Variants in ST18 observed in about 807,000 individuals in gnomAD.
ST18 encodes the protein ST18 C2H2C-type zinc finger transcription factor.
ST18 carries 50 observed loss-of-function variants against 110.0 expected under a neutral mutation model. That is an observed-to-expected ratio of 0.45 (90% CI 0.36 to 0.58). The LOEUF (loss-of-function observed/expected upper bound fraction) is 0.58, where lower values mean the gene tolerates loss of function less well. ST18 is among the 20% of genes least tolerant of loss of function. The pLI is 0.00. For missense variants in ST18, 1,306 were observed against 1,280.1 expected (o/e 1.02, Z -0.31); for synonymous variants, 461 against 452.4 (o/e 1.02, Z -0.24).
intron 2 of ST18, among the ~76,000 whole-genome samples, chr8:52,339,705 GC>G (rs1813958820): frequency 6.6e-6 from 1 of 152,234 alleles, no homozygotes; most frequent in African/African-American, 2.4e-5. Flanking sequence ...CTTGGGGCCA[GC>G]CCAAGGCCAC....
At chr8:52,186,060 C>T (rs2072040292) in intron 8 of ST18, among the ~76,000 whole-genome samples, 4 of 152,128 alleles carry the variant, frequency 2.6e-5, no homozygotes, top group Admixed American at 2.0e-4. Context: ...GAGCCATGAG[C>T]CCCGCTTCTT....
At chr8:52,283,673 C>G (rs1008544707) in intron 2 of ST18, among the ~76,000 whole-genome samples, 1 of 152,176 alleles carries the variant, frequency 6.6e-6, no homozygotes, top group Non-Finnish European at 1.5e-5. Context: ...GTTAAAGACA[C>G]TGTTGGCTTT....
At chr8:52,303,045 C>G (rs2095754661) in intron 2 of ST18, among the ~76,000 whole-genome samples, 1 of 152,140 alleles carries the variant, frequency 6.6e-6, no homozygotes, top group Admixed American at 6.5e-5. Context: ...AAAAGAGTAA[C>G]GTTATTGTAG....
intron 14 of ST18, 40 bp downstream of exon 14, chr8:52,161,335 G>C: frequency 6.3e-7 from 1 of 1,595,374 alleles, no homozygotes; most frequent in Non-Finnish European, 8.5e-7. Flanking sequence ...CCATACACAA[G>C]AAGCATTTTG....
intron 2 of ST18, among the ~76,000 whole-genome samples, chr8:52,253,646 T>G (rs1052425471): frequency 2.0e-5 from 3 of 152,128 alleles, no homozygotes; most frequent in Non-Finnish European, 4.4e-5. Flanking sequence ...TTAATATTGG[T>G]TATTCATATA....
chr8:52,152,102 G>A (rs996143550), intron 15 of ST18, among the ~76,000 whole-genome samples: 3 of 152,280 alleles, frequency 2.0e-5, no homozygotes, highest in African/African-American at 7.2e-5. Flanking sequence ...TGCATCCTGC[G>A]CCCAGCCTGC....
intron 25 of ST18, among the ~76,000 whole-genome samples, chr8:52,116,026 T>TA (rs1407317829): frequency 3.3e-5 from 5 of 152,222 alleles, no homozygotes; most frequent in African/African-American, 1.2e-4. Context: ...AACCGAGCTT[T>TA]AAAAAATCCT....
chr8:52,357,682 T>A (rs1406900250), intron 2 of ST18, among the ~76,000 whole-genome samples: 8 of 22,884 alleles, frequency 3.5e-4, no homozygotes, highest in Non-Finnish European at 4.8e-4. Context: ...TATAAATATA[T>A]ATATATATAT....
intron 9 of ST18, among the ~76,000 whole-genome samples, chr8:52,179,263 T>C (rs1376825787): frequency 6.6e-6 from 1 of 152,186 alleles, no homozygotes; most frequent in African/African-American, 2.4e-5. Context: ...TAGAGGCATG[T>C]GACTACCAGG....
At chr8:52,333,758 T>A (rs1349991307) in intron 2 of ST18, among the ~76,000 whole-genome samples, 1 of 152,264 alleles carries the variant, frequency 6.6e-6, no homozygotes, top group Non-Finnish European at 1.5e-5. Context: ...AATATGTGAA[T>A]CTTTCAGTCC....
In ST18 at chr8:52,396,893, T is replaced by C. The variant is rs1841338758; in HGVS notation, c.-465+12435A>G. Among the ~76,000 whole-genome samples, 5 of 152,218 alleles carry C rather than the reference T, an allele frequency of 3.3e-5. No individual in the cohort carries two copies. In the South Asian group the frequency reaches 1.0e-3, roughly 31 times the overall value. On this transcript the variant is annotated intron_variant, in intron 2 of 25. Transcript: ENST00000689386. ...TATCTATTTGTCCATCAATGAACAC[T>C]TACGTTGTTTCCATATCTTGGCTAT...
At chr8:52,330,502 T>C (rs902989589) in intron 2 of ST18, among the ~76,000 whole-genome samples, 1 of 152,008 alleles carries the variant, frequency 6.6e-6, no homozygotes, top group African/African-American at 2.4e-5. Flanking sequence ...TAAAATTCAT[T>C]ATAGGAGATA....
At chr8:52,194,009 A>C (rs1252024684) in intron 8 of ST18, among the ~76,000 whole-genome samples, 1 of 152,244 alleles carries the variant, frequency 6.6e-6, no homozygotes, top group Non-Finnish European at 1.5e-5. Flanking sequence ...TGACAAGGTT[A>C]TCTGATAACG....
chr8:52,271,263 G>A (rs72642765), intron 2 of ST18, among the ~76,000 whole-genome samples: 2,136 of 152,266 alleles, frequency 0.014, 27 homozygotes, highest in Non-Finnish European at 0.024. Context: ...TGTATTTAAA[G>A]TGTTTGATAC....
intron 22 of ST18, among the ~76,000 whole-genome samples, chr8:52,130,159 GAAAGAAAA>G (rs879328679): frequency 0.011 from 1,623 of 148,626 alleles, 24 homozygotes; most frequent in African/African-American, 0.026. Flanking sequence ...AAGAAAGAAA[GAAAGAAAA>G]AGAAAAGAAA....
chr8:52,325,865 C>T (rs1483981244), intron 2 of ST18, among the ~76,000 whole-genome samples: 4 of 152,062 alleles, frequency 2.6e-5, no homozygotes, highest in African/African-American at 9.7e-5. Context: ...TGTGGACAAC[C>T]GGGAGCTAGC....
chr8:52,214,702 G>T (rs74482423), intron 6 of ST18, among the ~76,000 whole-genome samples: 118 of 152,062 alleles, frequency 7.8e-4, no homozygotes, highest in African/African-American at 2.7e-3. Context: ...ATGATTCCTC[G>T]TGTAAAAAAG....
intron 2 of ST18, among the ~76,000 whole-genome samples, chr8:52,265,094 A>G (rs2094823772): frequency 6.6e-6 from 1 of 152,208 alleles, no homozygotes; most frequent in African/African-American, 2.4e-5. Context: ...AGTGGGACTA[A>G]TGATGGAAGG....
rs567683475 is a variant in ST18, at chr8:52,342,609, T to C, written c.-465+66719A>G. Among the ~76,000 whole-genome samples, 43 of 152,306 alleles carry C rather than the reference T, an allele frequency of 2.8e-4. 1 individual carries two copies. The South Asian group carries it at 7.7e-3, about 27-fold the overall frequency. ...GGGCAGCACATATCAAATTTCAGCG[T>C]GCACACAAACCTCCCAGGGGCCTGC... On this transcript the variant is annotated intron_variant, in intron 2 of 25. Coordinates refer to ENST00000689386, the MANE Select transcript of ST18 (RefSeq NM_001352837.2).
Sources: allele counts gnomAD v4.1 joint callset (sites outside exome capture counted in the v4.1 genomes callset), GRCh38; gene constraint gnomAD v4.1.1; transcripts MANE v1.5; gene names NCBI Gene and HGNC (gene_info 2026-07-23, HGNC 2026-07-21).